The following MPV17L variants were observed in gnomAD, a reference collection of about 807,000 sequenced individuals.
The protein encoded by MPV17L is MPV17 mitochondrial inner membrane protein like.
In MPV17L, 24 loss-of-function variants were observed where a neutral mutation model predicts 25.8. That is an observed-to-expected ratio of 0.93 (90% confidence interval 0.67 to 1.31). The LOEUF (loss-of-function observed/expected upper bound fraction) is 1.31. Among genes scored for constraint, MPV17L ranks in the 50% most tolerant of loss-of-function variants. The pLI is 0.00. For synonymous variants in MPV17L, 102 were observed against 115.3 expected, an observed-to-expected ratio of 0.88 and a Z score of 0.74; for missense variants, 250 against 265.6, an observed-to-expected ratio of 0.94 and a Z score of 0.41.
At chr16:15,399,440 C>CTAT (rs2050614973) in intron 1 of MPV17L, 1 of 453,184 alleles carries the variant, frequency 2.2e-6, no homozygotes, top group Middle Eastern at 5.4e-4. Flanking sequence ...GGGTCTCACT[C>CTAT]TATTCCCCAG....
At chr16:15,398,692 G>A (rs1304335658) in intron 1 of MPV17L, among the ~76,000 whole-genome samples, 4 of 150,530 alleles carry the variant, frequency 2.7e-5, no homozygotes, top group African/African-American at 7.3e-5. Context: ...AGGTTCAAGC[G>A]ATTCTCCTGC....
At chr16:15,397,617 G>A (rs2050598424) in intron 1 of MPV17L, among the ~76,000 whole-genome samples, 1 of 152,132 alleles carries the variant, frequency 6.6e-6, no homozygotes, top group African/African-American at 2.4e-5. Flanking sequence ...TGGGATTGGG[G>A]ATCACAGATC....
At position 15,412,130 on chromosome 16, in the gene MPV17L, C is replaced by G. The variant is rs956493613; in HGVS notation, c.*4018C>G. ...GAATTAGGCCACTTGAGAGTTTGTGCGTGTTTATAATTTTCTGGCTGGGCC... is the reference window on the plus strand; with the variant it reads ...GAATTAGGCCACTTGAGAGTTTGTGGGTGTTTATAATTTTCTGGCTGGGCC... On this transcript the variant is annotated 3_prime_UTR_variant, in exon 4 of 4. Transcript: ENST00000396385. 3 of 150,864 alleles carry G rather than the reference C, an allele frequency of 2.0e-5. No homozygotes were observed. Among genetic ancestry groups the G allele is most frequent in the Non-Finnish European group, 4.4e-5 (3 of 67,662 alleles). The allele number at this position is 150,864 out of a possible 1,614,324, so 9.3% of individuals were successfully genotyped here.
At position 15,396,111 on chromosome 16, in the gene MPV17L, C is replaced by A. The variant is rs2150903100; in HGVS notation, c.214C>A (p.Arg72Ser). 2 of 1,545,400 alleles carry A rather than the reference C, an allele frequency of 1.3e-6. No individual in the cohort carries two copies. Among genetic ancestry groups the A allele is most frequent in the African/African-American group, 1.4e-5 (1 of 73,140 alleles). ...FNYVWLRLLE[R>S]ALPGRAPHAL... ...CTACGTGTGGCTGCGCCTGCTGGAG[C>A]GCGCGCTCCCGGGCCGAGCGCCGCA... Residue 72 changes from arginine to serine, a missense_variant, in exon 1 of 4, where the codon CGC becomes AGC. Coordinates refer to ENST00000396385, the MANE Select transcript of MPV17L (RefSeq NM_001128423.2).
At chr16:15,401,816 C>G (rs1226433054) in intron 2 of MPV17L, among the ~76,000 whole-genome samples, 2 of 151,654 alleles carry the variant, frequency 1.3e-5, no homozygotes, top group African/African-American at 4.8e-5. Flanking sequence ...GACTCCATCT[C>G]AAAAAAGAGA....
intron 1 of MPV17L, among the ~76,000 whole-genome samples, chr16:15,397,957 C>T (rs2050601591): frequency 6.6e-6 from 1 of 152,116 alleles, no homozygotes; most frequent in East Asian, 1.9e-4. Flanking sequence ...CTTCCTAGCA[C>T]CTGTTACAGG....
intron 2 of MPV17L, among the ~76,000 whole-genome samples, chr16:15,405,450 ATT>A (rs746892378): frequency 3.4e-4 from 48 of 139,356 alleles, no homozygotes; most frequent in Non-Finnish European, 5.0e-4. Context: ...TAAAGTTTTA[ATT>A]TTTTTTTTTT....
At position 15,410,105 on chromosome 16, in the gene MPV17L, T is replaced by C. The variant is rs984814561; in HGVS notation, c.*1993T>C. On this transcript the variant is annotated 3_prime_UTR_variant, in exon 4 of 4. Transcript: ENST00000396385. ...GATCTAATATTTAATATTTATTCAG[T>C]TCTACACTTTATTAACTTCTACACC... 1.3e-5 allele frequency: 2 copies of C among 152,178 alleles called. No individual in the cohort carries two copies. The highest frequency in any genetic ancestry group is 2.9e-5 in the Non-Finnish European group (2 of 68,042). 9.4% of individuals were successfully genotyped at this position (152,178 alleles called of 1,614,324 possible). A position where few individuals can be genotyped will look rare whatever the true frequency, so the allele number is the denominator to read the frequency against.
In MPV17L at chr16:15,407,981, G is replaced by A; in HGVS notation, c.460G>A (p.Gly154Arg). Residue 154 changes from glycine to arginine, a missense_variant, in exon 4 of 4, where the codon GGA becomes AGA. Gly to Arg is a moderately radical substitution (Grantham distance 125). Coordinates refer to ENST00000396385, the MANE Select transcript of MPV17L (RefSeq NM_001128423.2). ...TGTTCAATGGAGAACAGCTTACGCT[G>A]GAGTCTGTGGTTTTCTCTGGGCCAC... ...VPVQWRTAYA[G>R]VCGFLWATFI... 1 of 1,613,968 alleles carries A rather than the reference G, an allele frequency of 6.2e-7. No homozygotes were observed. Among genetic ancestry groups the A allele is most frequent in the Non-Finnish European group, 8.5e-7 (1 of 1,180,022 alleles).
rs1352833096 is a variant in MPV17L at position 15,401,081 on chromosome 16, TATATA to T, written c.381+225_381+229del. Among the ~76,000 whole-genome samples, 394 of 42,720 alleles carry T rather than the reference TATATA, an allele frequency of 9.2e-3. 1 individual carries two copies. Among genetic ancestry groups the T allele is most frequent in the East Asian group, 0.026 (25 of 944 alleles). The allele number at this position is 42,720 out of a possible 152,430, so 28.0% of individuals were successfully genotyped here. On this transcript the variant is annotated intron_variant, in intron 2 of 3. Coordinates refer to ENST00000396385, the MANE Select transcript of MPV17L (RefSeq NM_001128423.2). ...GTGTATATATATATATATATATATA[TATATA>T]TTTTTTTTTTTTTTTTTTTTTTTTT...
intron 2 of MPV17L, among the ~76,000 whole-genome samples, chr16:15,404,548 T>C (rs1437338138): frequency 1.3e-5 from 2 of 151,794 alleles, no homozygotes; most frequent in Admixed American, 6.6e-5. Flanking sequence ...AAAATAAACA[T>C]GGTGGCTCAC....
intron 2 of MPV17L, among the ~76,000 whole-genome samples, chr16:15,401,058 G>GTATATATATATATATATATATA (rs548012835): frequency 2.3e-5 from 1 of 44,256 alleles, no homozygotes; most frequent in Non-Finnish European, 3.7e-5. Context: ...ATGTGTGTGT[G>GTATATATATATATATATATATA]TATATATATA....
intron 2 of MPV17L, among the ~76,000 whole-genome samples, chr16:15,405,439 C>T (rs1328976836): frequency 6.7e-6 from 1 of 148,790 alleles, no homozygotes; most frequent in African/African-American, 2.4e-5. Flanking sequence ...ATTATTTTTG[C>T]TAAAGTTTTA....
chr16:15,400,225 T>G (rs2050620892), intron 1 of MPV17L, among the ~76,000 whole-genome samples: 1 of 152,226 alleles, frequency 6.6e-6, no homozygotes, highest in Non-Finnish European at 1.5e-5. Flanking sequence ...TGATTGTTTT[T>G]GTGAATTGTT....
rs35263710 is a variant in MPV17L, at chr16:15,407,201, G to T, written c.382-623G>T. Among the ~76,000 whole-genome samples, 460 of 152,132 alleles carry T rather than the reference G, an allele frequency of 3.0e-3. 1 individual carries two copies. The highest frequency in any genetic ancestry group is 5.0e-3 in the Non-Finnish European group (338 of 68,014). On this transcript the variant is annotated intron_variant, in intron 2 of 3. Coordinates refer to ENST00000396385, the MANE Select transcript of MPV17L (RefSeq NM_001128423.2). ...TATACATGCTGTCATTTCCAAAGCC[G>T]CTGTCTTCCAGAATTGGTACTGATT... is the stretch of plus-strand genomic sequence containing the variant.
intron 1 of MPV17L, among the ~76,000 whole-genome samples, chr16:15,400,175 G>A (rs932369540): frequency 6.6e-6 from 1 of 152,152 alleles, no homozygotes; most frequent in African/African-American, 2.4e-5. Context: ...AAAATGTTTG[G>A]AAGGTAGAGA....
chr16:15,406,897 G>A (rs548200291), intron 2 of MPV17L, among the ~76,000 whole-genome samples: 40 of 152,134 alleles, frequency 2.6e-4, no homozygotes, highest in African/African-American at 8.9e-4. Context: ...CTGCACTCCA[G>A]ACTAAGCGAC....
In MPV17L at chr16:15,407,915, ACTCT is replaced by A. The variant is rs749257389; in HGVS notation, c.412-11_412-8del. ...TTTGGTTTCCATGTGGCCCTAACGG[ACTCT>A]CTCTCTGTTCCAGCTGACCAACTTC... On this transcript the variant is annotated splice_polypyrimidine_tract_variant and intron_variant, in intron 3 of 3. Coordinates refer to ENST00000396385, the MANE Select transcript of MPV17L (RefSeq NM_001128423.2). The A allele has an allele frequency of 6.2e-6, 10 of 1,612,780 alleles. No homozygotes were observed. In the East Asian group the frequency reaches 8.9e-5, roughly 14 times the overall value.
intron 2 of MPV17L, among the ~76,000 whole-genome samples, chr16:15,401,166 G>T (rs1365090005): frequency 4.3e-5 from 6 of 139,728 alleles, no homozygotes; most frequent in Non-Finnish European, 7.5e-5. Flanking sequence ...AGGCTGGAAT[G>T]CAGTGGCATG....
Sources: gnomAD v4.1 joint callset for allele counts (sites outside exome capture counted in the v4.1 genomes callset) on GRCh38, gnomAD v4.1.1 for gene constraint, MANE v1.5 for transcripts, NCBI Gene and HGNC (gene_info 2026-07-23, HGNC 2026-07-21) for gene names.